SYT1: variants seen among roughly 807,000 people sequenced by gnomAD.
SYT1 encodes synaptotagmin-1.
In SYT1, 8 loss-of-function variants were observed where a neutral mutation model predicts 44.8. That is an observed-to-expected ratio of 0.18 (90% confidence interval 0.10 to 0.32). The LOEUF (loss-of-function observed/expected upper bound fraction) is 0.32. SYT1 is among the 10% of genes least tolerant of loss of function. The pLI is 1.00. For missense variants in SYT1, 286 were observed against 509.3 expected (o/e 0.56, Z 4.22); for synonymous variants, 154 against 188.8 (o/e 0.82, Z 1.51).
At chr12:79,036,815 G>A (rs562719418) in intron 2 of SYT1, among the ~76,000 whole-genome samples, 1 of 151,420 alleles carries the variant, frequency 6.6e-6, no homozygotes, top group Non-Finnish European at 1.5e-5. Flanking sequence ...TCTCTTTCAC[G>A]AGAGTGTTCA....
chr12:78,960,582 C>T (rs1045507195), intron 1 of SYT1: 2 of 152,174 alleles, frequency 1.3e-5, no homozygotes, highest in Non-Finnish European at 2.9e-5. Context: ...ACATCCCAGG[C>T]TCTTGAAGAG....
At chr12:79,151,008 AAG>A (rs1276996601) in intron 3 of SYT1, among the ~76,000 whole-genome samples, 3 of 152,174 alleles carry the variant, frequency 2.0e-5, no homozygotes, top group Non-Finnish European at 2.9e-5. Flanking sequence ...TCCTCGAGAT[AAG>A]AAAGGGGAGC....
chr12:78,929,445 A>AAAAAAAAAAAAAAAAT (rs1565722192), intron 1 of SYT1, among the ~76,000 whole-genome samples: 2 of 146,246 alleles, frequency 1.4e-5, no homozygotes, highest in Non-Finnish European at 3.0e-5. Context: ...AAAAAAAAAA[A>AAAAAAAAAAAAAAAAT]AGGTTATTAG....
At chr12:78,923,924 T>C (rs61929182) in intron 1 of SYT1, among the ~76,000 whole-genome samples, 27,713 of 151,924 alleles carry the variant, frequency 0.18, 3,145 homozygotes, top group East Asian at 0.51. Flanking sequence ...ATGTCTTTTA[T>C]AGCTAAAGAA....
intron 9 of SYT1, among the ~76,000 whole-genome samples, chr12:79,377,750 T>C (rs1210431569): frequency 6.6e-6 from 1 of 152,184 alleles, no homozygotes; most frequent in Non-Finnish European, 1.5e-5. Context: ...TAGTACTAAT[T>C]ATAGATTGAG....
chr12:79,217,565 A>C lies in SYT1; in HGVS notation c.46A>C (p.Thr16Pro), dbSNP rs1592862851. 6.2e-7 allele frequency: 1 copy of C among 1,611,770 alleles called. No homozygotes were observed. Among genetic ancestry groups the C allele is most frequent in the Non-Finnish European group, 8.5e-7 (1 of 1,179,030 alleles). The change falls in exon 4 of 11, where the codon ACC becomes CCC. Residue 16 changes from threonine (T) to proline (P), a missense_variant. By Grantham distance (38) the Thr-to-Pro change is conservative. Transcript: ENST00000261205. ...HHEALAAPPV[T>P]TVATVLPSNA... ...TGAGGCCCTGGCAGCCCCGCCTGTC[A>C]CCACTGTCGCGACTGTTCTGCCAAG...
intron 4 of SYT1, among the ~76,000 whole-genome samples, chr12:79,279,011 TA>T (rs201517841): frequency 0.32 from 41,373 of 128,026 alleles, 6,394 homozygotes; most frequent in East Asian, 0.6. Context: ...GAATTAATAC[TA>T]AAAAAAAAAA....
At chr12:79,399,122 A>G (rs1005257972) in intron 9 of SYT1, among the ~76,000 whole-genome samples, 12 of 152,176 alleles carry the variant, frequency 7.9e-5, no homozygotes, top group Admixed American at 6.6e-5. Flanking sequence ...TTAGAATCCT[A>G]TTATTTCAGT....
intron 1 of SYT1, among the ~76,000 whole-genome samples, chr12:78,875,702 A>G (rs144617966): frequency 6.4e-4 from 97 of 151,836 alleles, no homozygotes; most frequent in African/African-American, 2.3e-3. Flanking sequence ...ATGCTGTCTC[A>G]TTTCTGTGTA....
chr12:79,346,713 G>A (rs1212271851), intron 8 of SYT1, among the ~76,000 whole-genome samples: 1 of 152,178 alleles, frequency 6.6e-6, no homozygotes, highest in Non-Finnish European at 1.5e-5. Context: ...TTCGTTACTT[G>A]ACTGGATTAA....
intron 3 of SYT1, among the ~76,000 whole-genome samples, chr12:79,051,244 T>A (rs1359173673): frequency 6.6e-6 from 1 of 151,472 alleles, no homozygotes; most frequent in Non-Finnish European, 1.5e-5. Context: ...TTTAAAATTG[T>A]ATTTTGATAT....
chr12:79,285,720 C>A, intron 4 of SYT1, 67 bp from the exon 5 acceptor site: 2 of 1,209,668 alleles, frequency 1.7e-6, no homozygotes, highest in Non-Finnish European at 2.3e-6. Context: ...TCTTTATAGC[C>A]CATGAGTTAA....
chr12:79,276,462 G>T (rs1878728743), intron 4 of SYT1, among the ~76,000 whole-genome samples: 1 of 151,972 alleles, frequency 6.6e-6, no homozygotes, highest in Non-Finnish European at 1.5e-5. Context: ...CAGATCATGA[G>T]GTCAAGAGAT....
At chr12:78,940,556 A>ATT (rs540879064) in intron 1 of SYT1, among the ~76,000 whole-genome samples, 7,735 of 148,982 alleles carry the variant, frequency 0.052, 228 homozygotes, top group Admixed American at 0.088. Flanking sequence ...TGCACAGCTG[A>ATT]TTTTTTTTTT....
At chr12:79,413,676 T>G (rs1245477750) in intron 9 of SYT1, among the ~76,000 whole-genome samples, 1 of 152,114 alleles carries the variant, frequency 6.6e-6, no homozygotes, top group Non-Finnish European at 1.5e-5. Context: ...TACTCTGGAG[T>G]AGTTAATTCT....
intron 1 of SYT1, among the ~76,000 whole-genome samples, chr12:78,876,884 T>TATATTATATGTATTAC (rs1874185401): frequency 2.1e-4 from 5 of 24,048 alleles, no homozygotes; most frequent in African/African-American, 4.5e-4. Flanking sequence ...ATATGTATTA[T>TATATTATATGTATTAC]ATATAATATA....
rs140023761 is a variant in SYT1 at position 79,220,169 on chromosome 12, G to A, written c.166+2484G>A. Among the ~76,000 whole-genome samples, 800 of 151,978 alleles carry A rather than the reference G, an allele frequency of 5.3e-3. 4 individuals are homozygous for A. Among genetic ancestry groups the A allele is most frequent in the African/African-American group, 0.017 (685 of 41,506 alleles). ...TGGTAGGTTGTATGTATCAAGGAAC[G>A]TATCCATGTTTTCTTGGTTATCCAA... On this transcript the variant is annotated intron_variant, in intron 4 of 10. Coordinates refer to ENST00000261205, the MANE Select transcript of SYT1 (RefSeq NM_005639.3).
At chr12:79,351,753 C>A (rs1347347572) in intron 8 of SYT1, among the ~76,000 whole-genome samples, 1 of 152,042 alleles carries the variant, frequency 6.6e-6, no homozygotes, top group Non-Finnish European at 1.5e-5. Context: ...AGTGAGTAGG[C>A]ACATCAGGTG....
intron 2 of SYT1, among the ~76,000 whole-genome samples, chr12:79,015,570 C>T (rs1871754564): frequency 6.6e-6 from 1 of 152,082 alleles, no homozygotes; most frequent in South Asian, 2.1e-4. Flanking sequence ...AAAGTTTATG[C>T]ATTAAACATA....
Sources: allele counts gnomAD v4.1 joint callset (sites outside exome capture counted in the v4.1 genomes callset), GRCh38; gene constraint gnomAD v4.1.1; transcripts MANE v1.5; gene names NCBI Gene and HGNC (gene_info 2026-07-23, HGNC 2026-07-21).